Variants in TMEM182 observed in about 807,000 individuals in gnomAD.
TMEM182 encodes transmembrane protein 182.
In TMEM182, 20 loss-of-function variants were observed where a neutral mutation model predicts 26.8. That is an observed-to-expected ratio of 0.75 (90% CI 0.53 to 1.09). The LOEUF (loss-of-function observed/expected upper bound fraction) is 1.09, where lower values mean the gene tolerates loss of function less well. Ranked by LOEUF, TMEM182 falls within the 50% of genes least tolerant of loss-of-function variation. The pLI is 0.00. For synonymous variants in TMEM182, 109 were observed against 102.2 expected, an observed-to-expected ratio of 1.07 and a Z score of -0.40; for missense variants, 277 against 275.5, an observed-to-expected ratio of 1.01 and a Z score of -0.04.
upstream of TMEM182, chr2:102,757,437 A>G (rs1166847928): frequency 1.3e-5 from 2 of 152,168 alleles, no homozygotes; most frequent in African/African-American, 4.8e-5. Flanking sequence ...TCCTCCAACC[A>G]TGAAGACCTT....
At chr2:102,829,115 G>A (rs1056477807) in intron 3 of TMEM182, among the ~76,000 whole-genome samples, 2 of 152,158 alleles carry the variant, frequency 1.3e-5, no homozygotes, top group Non-Finnish European at 2.9e-5. Flanking sequence ...TCAGTTCTCC[G>A]CATGAGAAGT....
chr2:102,839,698 G>A (rs1683311913), intron 3 of TMEM182, among the ~76,000 whole-genome samples: 1 of 152,046 alleles, frequency 6.6e-6, no homozygotes, highest in African/African-American at 2.4e-5. Flanking sequence ...ATGCAATGTA[G>A]CTCTAGTTGC....
At chr2:102,841,439 G>T (rs1683348325) in intron 3 of TMEM182, among the ~76,000 whole-genome samples, 1 of 152,156 alleles carries the variant, frequency 6.6e-6, no homozygotes, top group African/African-American at 2.4e-5. Context: ...CCCAGCAGGT[G>T]TCACTGTGGA....
chr2:102,801,245 A>G (rs2732816), intron 4 of TMEM182, among the ~76,000 whole-genome samples: 149,013 of 152,236 alleles, frequency 0.98, 72,950 homozygotes, highest in East Asian at 1. Flanking sequence ...GCACTGTTGC[A>G]GGAATCAGGA....
chr2:102,828,013 C>T (rs559342528), intron 3 of TMEM182, among the ~76,000 whole-genome samples: 2 of 152,246 alleles, frequency 1.3e-5, no homozygotes, highest in African/African-American at 2.4e-5. Flanking sequence ...ATCATCTGAA[C>T]CTAGGAGGCA....
At chr2:102,767,893 C>T (rs1276483310) in intron 3 of TMEM182, among the ~76,000 whole-genome samples, 1 of 152,194 alleles carries the variant, frequency 6.6e-6, no homozygotes, top group African/African-American at 2.4e-5. Context: ...ATCTGACCTT[C>T]TTTAAGGTCC....
intron 3 of TMEM182, among the ~76,000 whole-genome samples, chr2:102,786,369 C>T (rs113146324): frequency 5.9e-5 from 9 of 152,042 alleles, no homozygotes; most frequent in African/African-American, 9.7e-5. Context: ...CGCCTGCCAC[C>T]GCACCTGGCT....
chr2:102,782,859 A>G (rs1681231713), intron 3 of TMEM182, among the ~76,000 whole-genome samples: 1 of 152,082 alleles, frequency 6.6e-6, no homozygotes, highest in African/African-American at 2.4e-5. Flanking sequence ...AAGTTTGGGG[A>G]CATGGGGATA....
intron 4 of TMEM182, among the ~76,000 whole-genome samples, chr2:102,799,723 G>A (rs1682032984): frequency 6.6e-6 from 1 of 152,186 alleles, no homozygotes; most frequent in African/African-American, 2.4e-5. Flanking sequence ...TGGCAAACAA[G>A]GTAGGTCCGG....
intron 3 of TMEM182, among the ~76,000 whole-genome samples, chr2:102,778,780 C>T (rs1037799890): frequency 4.6e-5 from 7 of 152,022 alleles, no homozygotes; most frequent in African/African-American, 1.7e-4. Context: ...TGTTCCTTTA[C>T]CCTCTAGCAA....
intron 3 of TMEM182, among the ~76,000 whole-genome samples, chr2:102,791,127 A>T (rs2540284): frequency 2.6e-5 from 4 of 151,888 alleles, no homozygotes; most frequent in South Asian, 4.2e-4. Flanking sequence ...ATAGAAACGT[A>T]ATTTCACCAT....
intron 3 of TMEM182, among the ~76,000 whole-genome samples, chr2:102,824,766 G>A (rs1682998491): frequency 6.6e-6 from 1 of 152,144 alleles, no homozygotes; most frequent in Non-Finnish European, 1.5e-5. Context: ...GGTGGAGGTT[G>A]CAGTGAGCCG....
At position 102,764,234 on chromosome 2, in the gene TMEM182, G is replaced by T. The variant is rs1478905658; in HGVS notation, c.233-95G>T. On this transcript the variant is annotated intron_variant, in intron 2 of 4. Coordinates refer to ENST00000412401, the MANE Select transcript of TMEM182 (RefSeq NM_144632.5). ...TGGAACCAGTAGTTTTGTTTTGCTT[G>T]TGTAACCCTTGTGCTCTGTATTTCT... 5 of 1,275,336 alleles carry T rather than the reference G, an allele frequency of 3.9e-6. No individual in the cohort carries two copies. In the African/African-American group the frequency reaches 7.3e-5, roughly 19 times the overall value. 79.0% of individuals were successfully genotyped at this position (1,275,336 alleles called of 1,614,324 possible). A position where few individuals can be genotyped will look rare whatever the true frequency, so the allele number is the denominator to read the frequency against.
intron 1 of TMEM182, 118 bp downstream of exon 1, chr2:102,762,467 G>A (rs1680253104): frequency 7.9e-6 from 12 of 1,527,780 alleles, no homozygotes; most frequent in Non-Finnish European, 8.9e-6. Context: ...GAGATATGTA[G>A]AAAGCTACTG....
chr2:102,826,782 C>G (rs1396201420), intron 3 of TMEM182, among the ~76,000 whole-genome samples: 1 of 152,082 alleles, frequency 6.6e-6, no homozygotes, highest in Non-Finnish European at 1.5e-5. Flanking sequence ...ATGATCAGAG[C>G]TGGGAAAACT....
intron 3 of TMEM182, among the ~76,000 whole-genome samples, chr2:102,794,503 C>G (rs1573542660): frequency 6.6e-6 from 1 of 152,196 alleles, no homozygotes; most frequent in East Asian, 1.9e-4. Context: ...GTTGATAACA[C>G]ATTCTACTCT....
chr2:102,781,063 CCTT>C (rs1383433342), intron 3 of TMEM182, among the ~76,000 whole-genome samples: 3 of 152,208 alleles, frequency 2.0e-5, no homozygotes, highest in Admixed American at 2.0e-4. Context: ...CTGCTGTCCT[CCTT>C]CTAGAGACTT....
At chr2:102,740,088 A>G (rs1424307549) in intron 1 of TMEM182, among the ~76,000 whole-genome samples, 1 of 152,208 alleles carries the variant, frequency 6.6e-6, no homozygotes, top group Admixed American at 6.5e-5. Flanking sequence ...GTGATTGTGA[A>G]CTGGGAGACT....
At chr2:102,762,508 C>A in intron 1 of TMEM182, 79 bp from the exon 2 acceptor site, 1 of 1,544,932 alleles carries the variant, frequency 6.5e-7, no homozygotes. Flanking sequence ...AATACATGTC[C>A]TTAAAAATTT....
Sources: allele counts gnomAD v4.1 joint callset (sites outside exome capture counted in the v4.1 genomes callset), GRCh38; gene constraint gnomAD v4.1.1; transcripts MANE v1.5; gene names NCBI Gene and HGNC (gene_info 2026-07-23, HGNC 2026-07-21).